Variants in ZNF675 observed in about 807,000 individuals in gnomAD.
ZNF675 encodes zinc finger protein 675.
ZNF675 carries 36 observed loss-of-function variants against 56.1 expected under a neutral mutation model. The observed-to-expected ratio is 0.64, with a 90% confidence interval of 0.49 to 0.85. ZNF675 has a LOEUF of 0.85. Among genes scored for constraint, ZNF675 ranks in the 40% least tolerant of loss-of-function variants. The pLI is 0.00. For synonymous variants in ZNF675, 200 were observed against 218.9 expected, an observed-to-expected ratio of 0.91 and a Z score of 0.76; for missense variants, 663 against 654.2, an observed-to-expected ratio of 1.01 and a Z score of -0.15.
rs900272344 is a variant in ZNF675, at chr19:23,672,456, G to A, written c.4-9298C>T. ...CAAGATCTGAGAAGTTCAAAAACCC[G>A]CACCCTCAAAAAGGGGTTTTAATAT... is the stretch of plus-strand genomic sequence containing the variant. On this transcript the variant is annotated intron_variant, in intron 1 of 3. Transcript: ENST00000359788. 7.2e-5 allele frequency among the ~76,000 whole-genome samples: 11 copies of A among 152,188 alleles called. No homozygotes were observed. In the South Asian group the frequency reaches 1.7e-3, roughly 23 times the overall value.
intron 1 of ZNF675, among the ~76,000 whole-genome samples, chr19:23,682,841 A>G (rs1002007035): frequency 2.0e-5 from 3 of 151,652 alleles, no homozygotes; most frequent in Admixed American, 2.0e-4. Flanking sequence ...AAGAAAACCA[A>G]AAGTATCTAC....
intron 1 of ZNF675, among the ~76,000 whole-genome samples, chr19:23,674,385 G>A (rs879407375): frequency 6.6e-6 from 1 of 151,666 alleles, no homozygotes; most frequent in African/African-American, 2.4e-5. Flanking sequence ...CTCAACGCCT[G>A]TAATCCCAGC....
At chr19:23,671,156 T>C (rs1057139770) in intron 1 of ZNF675, among the ~76,000 whole-genome samples, 1 of 152,206 alleles carries the variant, frequency 6.6e-6, no homozygotes, top group African/African-American at 2.4e-5. Flanking sequence ...ATCTAGTCCC[T>C]TCCTCTTCCT....
chr19:23,686,894 G>A, intron 1 of ZNF675, 137 bp downstream of exon 1: 1 of 1,084,908 alleles, frequency 9.2e-7, no homozygotes, highest in Non-Finnish European at 1.4e-6. Flanking sequence ...AGGGGACTGA[G>A]CCGAGCTGGG....
At position 23,653,022 on chromosome 19, in the gene ZNF675, T is replaced by C. The variant is rs1967931465; in HGVS notation, c.*204A>G. ...CAATTTTTCTTAAGTATAAACGCTT[T>C]CCTGTGCAATAAGGTTTGAGCCTTA... On this transcript the variant is annotated 3_prime_UTR_variant, in exon 4 of 4. Coordinates refer to ENST00000359788, the MANE Select transcript of ZNF675 (RefSeq NM_138330.3). The C allele has an allele frequency of 2.0e-6, 1 of 502,146 alleles. No individual in the cohort carries two copies. Among genetic ancestry groups the C allele is most frequent in the South Asian group, 3.8e-5 (1 of 26,074 alleles). 31.1% of individuals were successfully genotyped at this position (502,146 alleles called of 1,614,324 possible).
intron 1 of ZNF675, among the ~76,000 whole-genome samples, chr19:23,682,740 CTA>C (rs1326699093): frequency 6.6e-6 from 1 of 151,678 alleles, no homozygotes; most frequent in Non-Finnish European, 1.5e-5. Flanking sequence ...GTGTCTGAAA[CTA>C]TGTGTTTGAA....
At chr19:23,682,879 T>C (rs1227878860) in intron 1 of ZNF675, among the ~76,000 whole-genome samples, 1 of 151,792 alleles carries the variant, frequency 6.6e-6, no homozygotes. Context: ...AGTATTATTT[T>C]ATTATTTATT....
At chr19:23,678,351 G>C (rs1968329189) in intron 1 of ZNF675, among the ~76,000 whole-genome samples, 1 of 148,610 alleles carries the variant, frequency 6.7e-6, no homozygotes, top group Non-Finnish European at 1.5e-5. Flanking sequence ...TCCACATCCT[G>C]GGTTCAAGGC....
chr19:23,656,373 G>A (rs1967983222), intron 3 of ZNF675: 1 of 152,150 alleles, frequency 6.6e-6, no homozygotes, highest in Non-Finnish European at 1.5e-5. Context: ...GAGGTGGGCA[G>A]ATTACCTGAG....
chr19:23,663,216 G>A (rs138983391), intron 1 of ZNF675, 58 bp from the exon 2 acceptor site: 2 of 1,561,016 alleles, frequency 1.3e-6, no homozygotes, highest in East Asian at 4.7e-5. Flanking sequence ...ATTATAATTT[G>A]ACTCAAGGTA....
At chr19:23,658,908 G>GATATATAGATATAGATCTATAGATATCT (rs1238598265) in intron 3 of ZNF675, among the ~76,000 whole-genome samples, 2 of 25,224 alleles carry the variant, frequency 7.9e-5, no homozygotes, top group African/African-American at 3.0e-4. Context: ...GATATCTATA[G>GATATATAGATATAGATCTATAGATATCT]ATAGATATAG....
In ZNF675 at chr19:23,652,942, T is replaced by C; in HGVS notation, c.*284A>G. The C allele has an allele frequency of 4.0e-6, 1 of 247,668 alleles. No individual in the cohort carries two copies. The highest frequency in any genetic ancestry group is 7.7e-6 in the Non-Finnish European group (1 of 129,578). 15.3% of individuals were successfully genotyped at this position (247,668 alleles called of 1,614,324 possible). A position where few individuals can be genotyped will look rare whatever the true frequency, so the allele number is the denominator to read the frequency against. On this transcript the variant is annotated 3_prime_UTR_variant, in exon 4 of 4. Coordinates refer to ENST00000359788, the MANE Select transcript of ZNF675 (RefSeq NM_138330.3). ...ATGCTTTTATTAAGTACCAACATTCTGATATTAAGATGTCAACAGATATTA... is the reference window on the plus strand; with the variant it reads ...ATGCTTTTATTAAGTACCAACATTCCGATATTAAGATGTCAACAGATATTA...
chr19:23,661,689 C>CA (rs1216155443), intron 3 of ZNF675, among the ~76,000 whole-genome samples: 5 of 149,168 alleles, frequency 3.4e-5, no homozygotes, highest in East Asian at 2.0e-4. Context: ...GACTCTGTCT[C>CA]AAAAAAAAAG....
Position 23,653,142 on chromosome 19 carries a change from A to T in ZNF675, c.*84T>A. ...GTGTGAAAACCATTTAAAGTCTTTGACACATTCTTTACATTTCTAGAATTT... is the reference window on the plus strand; with the variant it reads ...GTGTGAAAACCATTTAAAGTCTTTGTCACATTCTTTACATTTCTAGAATTT... On this transcript the variant is annotated 3_prime_UTR_variant, in exon 4 of 4. Transcript: ENST00000359788. 7.9e-7 allele frequency: 1 copy of T among 1,268,078 alleles called. No individual in the cohort carries two copies. Among genetic ancestry groups the T allele is most frequent in the Non-Finnish European group, 1.1e-6 (1 of 920,422 alleles). 78.6% of individuals were successfully genotyped at this position (1,268,078 alleles called of 1,614,324 possible).
rs1968454176 is a variant in ZNF675 at position 23,687,106 on chromosome 19, G to A, written c.-73C>T. The A allele has an allele frequency of 6.4e-7, 1 of 1,573,898 alleles. No homozygotes were observed. Among genetic ancestry groups the A allele is most frequent in the South Asian group, 1.1e-5 (1 of 90,224 alleles). Reference sequence around the variant, plus strand: ...TTTCTGCAGGTCACAGGCCCACAGAGGCTGGACCTCTAGGAGCAGAGGACA... The same window carrying A: ...TTTCTGCAGGTCACAGGCCCACAGAAGCTGGACCTCTAGGAGCAGAGGACA... On this transcript the variant is annotated 5_prime_UTR_variant, in exon 1 of 4. Transcript: ENST00000359788.
Position 23,662,213 on chromosome 19 carries a change from T to C in ZNF675, c.131-4A>G. 2 of 1,601,580 alleles carry C rather than the reference T, an allele frequency of 1.2e-6. No individual in the cohort carries two copies. The highest frequency in any genetic ancestry group is 1.7e-6 in the Non-Finnish European group (2 of 1,171,540). On this transcript the variant is annotated splice_region_variant and splice_polypyrimidine_tract_variant and intron_variant, in intron 2 of 3. Transcript: ENST00000359788. ...TCTTGCTTAGAGACAGCAATACCTG[T>C]TTTATTAAAAAATAAATAACATTAA...
At chr19:23,666,457 A>G (rs1426870520) in intron 1 of ZNF675, among the ~76,000 whole-genome samples, 1 of 152,232 alleles carries the variant, frequency 6.6e-6, no homozygotes, top group Non-Finnish European at 1.5e-5. Context: ...GGCCAATGGG[A>G]AACCTCTAGG....
At chr19:23,665,748 C>A (rs1968143021) in intron 1 of ZNF675, among the ~76,000 whole-genome samples, 1 of 152,166 alleles carries the variant, frequency 6.6e-6, no homozygotes, top group African/African-American at 2.4e-5. Flanking sequence ...ATTCGCCCAA[C>A]TTGGCCTCCC....
Position 23,653,177 on chromosome 19 carries a change from A to G in ZNF675, c.*49T>C. On this transcript the variant is annotated 3_prime_UTR_variant, in exon 4 of 4. Coordinates refer to ENST00000359788, the MANE Select transcript of ZNF675 (RefSeq NM_138330.3). The stretch of plus-strand genomic sequence containing the variant: ...TACATTTCTAGAATTTTTCACCAGT[A>G]TGATTTCCTTTATATTTAGAAAAAT... 6 of 1,488,278 alleles carry G rather than the reference A, an allele frequency of 4.0e-6. No individual in the cohort carries two copies. The highest frequency in any genetic ancestry group is 5.4e-6 in the Non-Finnish European group (6 of 1,109,584). The allele number at this position is 1,488,278 out of a possible 1,614,324, so 92.2% of individuals were successfully genotyped here.
Sources: allele counts gnomAD v4.1 joint callset (sites outside exome capture counted in the v4.1 genomes callset), GRCh38; gene constraint gnomAD v4.1.1; transcripts MANE v1.5; gene names NCBI Gene and HGNC (gene_info 2026-07-23, HGNC 2026-07-21).